ABCB1: variants seen among roughly 807,000 people sequenced by gnomAD.
ABCB1 encodes the protein ATP binding cassette subfamily B member 1.
In ABCB1, 69 loss-of-function variants were observed where a neutral mutation model predicts 142.0. The ratio of observed to expected loss-of-function variants is 0.49; its 90% confidence interval spans 0.40 to 0.59. ABCB1 has a LOEUF of 0.59. Ranked by LOEUF, ABCB1 falls within the 20% of genes least tolerant of loss-of-function variation. The pLI is 0.00. For missense variants in ABCB1, 1,326 were observed against 1,554.7 expected, an observed-to-expected ratio of 0.85 and a Z score of 2.47; for synonymous variants, 532 against 539.2, an observed-to-expected ratio of 0.99 and a Z score of 0.18.
intron 1 of ABCB1, among the ~76,000 whole-genome samples, chr7:87,658,295 A>G (rs1387920887): frequency 6.6e-6 from 1 of 152,228 alleles, no homozygotes. Flanking sequence ...TGGGAGTTAC[A>G]GTGGAAAGAA....
In ABCB1 at chr7:87,545,922, C is replaced by T. The variant is rs1213042982; in HGVS notation, c.1828G>A (p.Gly610Arg). 4 of 1,613,994 alleles carry T rather than the reference C, an allele frequency of 2.5e-6. No individual in the cohort carries two copies. Among genetic ancestry groups the T allele is most frequent in the Non-Finnish European group, 2.5e-6 (3 of 1,180,014 alleles). The part of the protein sequence containing the change: ...GFDDGVIVEK[G>R]NHDELMKEKG... ...TCTTTCATGAGTTCATCATGATTTC[C>T]TTTCTCCACAATGACTCCATCATCG... Residue 610 changes from glycine (G) to arginine (R), a missense_variant, in exon 15 of 28, where the codon GGA becomes AGA. Gly to Arg is a moderately radical substitution (Grantham distance 125). Coordinates refer to ENST00000622132, the MANE Select transcript of ABCB1 (RefSeq NM_001348946.2).
intron 14 of ABCB1, among the ~76,000 whole-genome samples, chr7:87,548,488 T>C (rs1816903611): frequency 6.6e-6 from 1 of 152,198 alleles, no homozygotes; most frequent in African/African-American, 2.4e-5. Flanking sequence ...ACAGAATGTT[T>C]AGTAAGCTGC....
intron 1 of ABCB1, chr7:87,710,703 T>A (rs1279957689): frequency 2.9e-6 from 3 of 1,028,530 alleles, no homozygotes; most frequent in Admixed American, 2.2e-5. Context: ...AAGAATCACC[T>A]GAAGACTCAG....
At chr7:87,613,411 C>T (rs936179595) in intron 1 of ABCB1, among the ~76,000 whole-genome samples, 6 of 151,836 alleles carry the variant, frequency 4.0e-5, no homozygotes, top group African/African-American at 1.4e-4. Context: ...GACATATGTG[C>T]TTATATGTTC....
At chr7:87,550,381 C>T in intron 11 of ABCB1, 85 bp from the exon 12 acceptor site, 1 of 1,606,724 alleles carries the variant, frequency 6.2e-7, no homozygotes, top group Non-Finnish European at 8.5e-7. Flanking sequence ...TTTAAATATA[C>T]ATGCACTTTT....
At chr7:87,563,354 C>A (rs1231113374) in intron 7 of ABCB1, 1 of 454,954 alleles carries the variant, frequency 2.2e-6, no homozygotes, top group Non-Finnish European at 4.4e-6. Context: ...GGCAGAGATA[C>A]AACAACAAAA....
intron 20 of ABCB1, 37 bp from the exon 21 acceptor site, chr7:87,531,534 A>G: frequency 6.3e-7 from 1 of 1,586,336 alleles, no homozygotes; most frequent in Non-Finnish European, 8.6e-7. Flanking sequence ...TTTTAAAAAT[A>G]TTATCTTCAC....
chr7:87,610,405 T>A (rs745935227), intron 1 of ABCB1, among the ~76,000 whole-genome samples: 4,484 of 141,072 alleles, frequency 0.032, 133 homozygotes, highest in Middle Eastern at 0.049. Context: ...CCTTTTTTTT[T>A]TTTTTTTTTT....
At chr7:87,544,408 G>T (rs1049653198) in intron 16 of ABCB1, 133 bp from the exon 17 acceptor site, 13 of 971,646 alleles carry the variant, frequency 1.3e-5, no homozygotes, top group Admixed American at 1.0e-4. Flanking sequence ...TGACAATTTT[G>T]CTTTAAAAAA....
intron 1 of ABCB1, among the ~76,000 whole-genome samples, chr7:87,657,185 A>ACC (rs1824194863): frequency 6.6e-6 from 1 of 152,178 alleles, no homozygotes; most frequent in Non-Finnish European, 1.5e-5. Flanking sequence ...CTTAGGAATG[A>ACC]CACAGTAGTG....
At position 87,550,824 on chromosome 7, in the gene ABCB1, T is replaced by C; in HGVS notation, c.1014A>G (p.Val338=). ...IGQVLTVFFS[V]LIGAFSVGQA... is the part of the protein sequence containing the mutation. ...GTCCAACACTAAAAGCCCCAATTAA[T>C]ACAGAAAAGAATACCTGAGGAATGT... The change falls in exon 10 of 28, where the codon GTA becomes GTG. Residue 338 remains valine, a synonymous_variant. Coordinates refer to ENST00000622132, the MANE Select transcript of ABCB1 (RefSeq NM_001348946.2). 1 of 1,610,410 alleles carries C rather than the reference T, an allele frequency of 6.2e-7. No homozygotes were observed. Among genetic ancestry groups the C allele is most frequent in the Non-Finnish European group, 8.5e-7 (1 of 1,176,714 alleles).
chr7:87,659,248 AT>A, intron 1 of ABCB1: 1 of 414,238 alleles, frequency 2.4e-6, no homozygotes, highest in Admixed American at 2.7e-5. Context: ...TAGGCTTTCC[AT>A]TTTACTTTTA....
At chr7:87,689,563 A>G (rs890681399) in intron 1 of ABCB1, among the ~76,000 whole-genome samples, 1 of 152,164 alleles carries the variant, frequency 6.6e-6, no homozygotes, top group Non-Finnish European at 1.5e-5. Flanking sequence ...CTAATTATTA[A>G]TTAGCTAATA....
At chr7:87,546,991 C>G (rs1283837266) in intron 14 of ABCB1, among the ~76,000 whole-genome samples, 2 of 152,130 alleles carry the variant, frequency 1.3e-5, no homozygotes, top group Non-Finnish European at 2.9e-5. Flanking sequence ...ATACTTATTC[C>G]TAGGTTGAAG....
At chr7:87,637,068 G>A (rs1019419752) in intron 1 of ABCB1, among the ~76,000 whole-genome samples, 6 of 152,112 alleles carry the variant, frequency 3.9e-5, no homozygotes, top group Non-Finnish European at 8.8e-5. Flanking sequence ...AGACTAGCAT[G>A]GGGGAAAACA....
intron 4 of ABCB1, among the ~76,000 whole-genome samples, chr7:87,582,073 A>G (rs1044444621): frequency 4.6e-5 from 7 of 152,200 alleles, no homozygotes; most frequent in Non-Finnish European, 8.8e-5. Flanking sequence ...CAAGCAGATT[A>G]GTGATAGTGT....
intron 1 of ABCB1, chr7:87,628,803 G>C (rs766706728): frequency 4.1e-6 from 5 of 1,225,336 alleles, no homozygotes; most frequent in Non-Finnish European, 5.2e-6. Context: ...GAGACAAAAG[G>C]GGCACGGGGG....
intron 1 of ABCB1, among the ~76,000 whole-genome samples, chr7:87,658,545 C>A (rs1345425251): frequency 6.6e-6 from 1 of 151,932 alleles, no homozygotes; most frequent in Middle Eastern, 3.2e-3. Context: ...CAGAGCAAAC[C>A]ACAAATAGGA....
At chr7:87,570,135 G>T in intron 5 of ABCB1, 37 bp downstream of exon 5, 1 of 1,583,670 alleles carries the variant, frequency 6.3e-7, no homozygotes, top group Non-Finnish European at 8.7e-7. Flanking sequence ...GATGAATATA[G>T]AAAAACTTAA....
Sources: allele counts gnomAD v4.1 joint callset (sites outside exome capture counted in the v4.1 genomes callset), GRCh38; gene constraint gnomAD v4.1.1; transcripts MANE v1.5; gene names NCBI Gene and HGNC (gene_info 2026-07-23, HGNC 2026-07-21).